DLG2: variants seen among roughly 807,000 people sequenced by gnomAD.
DLG2 encodes disks large homolog 2.
In DLG2, 45 loss-of-function variants were observed where a neutral mutation model predicts 132.5. The observed-to-expected ratio is 0.34, with a 90% CI of 0.27 to 0.44. DLG2 has a LOEUF of 0.44. DLG2 is among the 20% of genes least tolerant of loss of function. DLG2 has a pLI of 1.00. For synonymous variants in DLG2, 424 were observed against 419.6 expected (o/e 1.01, Z -0.13); for missense variants, 1,045 against 1,196.9 (o/e 0.87, Z 1.87).
chr11:83,567,914 G>A (rs11233678), intron 19 of DLG2, among the ~76,000 whole-genome samples: 2,684 of 152,278 alleles, frequency 0.018, 71 homozygotes, highest in South Asian at 0.11. Context: ...AGCAGTAAAA[G>A]CTAGATTAGA....
chr11:84,987,409 GAA>G (rs983483064), intron 6 of DLG2, among the ~76,000 whole-genome samples: 1 of 150,910 alleles, frequency 6.6e-6, no homozygotes, highest in African/African-American at 2.4e-5. Context: ...CACAGAATTA[GAA>G]AAAAAAATTT....
chr11:85,605,902 C>T (rs536567725), intron 2 of DLG2, among the ~76,000 whole-genome samples: 5 of 152,046 alleles, frequency 3.3e-5, no homozygotes, highest in African/African-American at 9.6e-5. Context: ...CACTTGAACC[C>T]GGGAGGCGGA....
chr11:84,543,236 T>C (rs1333674495), intron 6 of DLG2, among the ~76,000 whole-genome samples: 2 of 152,220 alleles, frequency 1.3e-5, no homozygotes, highest in East Asian at 1.9e-4. Context: ...TGGTTACATA[T>C]AGGTTGCAAA....
intron 15 of DLG2, among the ~76,000 whole-genome samples, chr11:83,881,348 T>C (rs1370430080): frequency 6.6e-6 from 1 of 152,196 alleles, no homozygotes; most frequent in Non-Finnish European, 1.5e-5. Flanking sequence ...TGGGACCCAA[T>C]ATAGTTACCA....
At chr11:84,105,745 C>T (rs548029001) in intron 9 of DLG2, among the ~76,000 whole-genome samples, 4 of 152,132 alleles carry the variant, frequency 2.6e-5, no homozygotes, top group African/African-American at 9.6e-5. Context: ...TTTTAATACC[C>T]ATGTTCTATT....
At chr11:83,480,806 G>A (rs554233756) in intron 22 of DLG2, among the ~76,000 whole-genome samples, 1 of 152,148 alleles carries the variant, frequency 6.6e-6, no homozygotes, top group Non-Finnish European at 1.5e-5. Flanking sequence ...CTGGTGTGTA[G>A]GCAGTGTTTT....
chr11:85,512,481 T>C (rs1478553879), intron 3 of DLG2, among the ~76,000 whole-genome samples: 1 of 152,126 alleles, frequency 6.6e-6, no homozygotes, highest in South Asian at 2.1e-4. Flanking sequence ...AATATTATAT[T>C]GTGACCTTTC....
intron 9 of DLG2, among the ~76,000 whole-genome samples, chr11:84,129,397 C>T (rs943093937): frequency 6.6e-6 from 1 of 152,068 alleles, no homozygotes; most frequent in Non-Finnish European, 1.5e-5. Flanking sequence ...GTCAATTATA[C>T]AGTCTCATTA....
intron 6 of DLG2, among the ~76,000 whole-genome samples, chr11:84,567,513 A>T (rs541536115): frequency 6.6e-6 from 1 of 152,320 alleles, no homozygotes; most frequent in East Asian, 1.9e-4. Flanking sequence ...ATCCTCTTTA[A>T]TACCTTTTCC....
intron 3 of DLG2, chr11:85,336,495 G>T: frequency 6.4e-6 from 1 of 156,784 alleles, no homozygotes; most frequent in Non-Finnish European, 1.4e-5. Flanking sequence ...GGTAGCAGCA[G>T]CTGAGGAGGT....
intron 6 of DLG2, among the ~76,000 whole-genome samples, chr11:84,781,824 C>T (rs2071834031): frequency 6.6e-6 from 1 of 152,222 alleles, no homozygotes; most frequent in African/African-American, 2.4e-5. Flanking sequence ...TGCTGAACAA[C>T]TTTTAGTAGT....
chr11:83,925,855 C>G (rs2078878066), intron 15 of DLG2, among the ~76,000 whole-genome samples: 1 of 152,072 alleles, frequency 6.6e-6, no homozygotes, highest in African/African-American at 2.4e-5. Context: ...AGCTGAAAAA[C>G]TTACTCTCCC....
At chr11:84,972,101 C>G (rs993737989) in intron 6 of DLG2, among the ~76,000 whole-genome samples, 6 of 152,080 alleles carry the variant, frequency 3.9e-5, no homozygotes, top group East Asian at 1.9e-4. Flanking sequence ...CACACACACA[C>G]TGTTTTAAAT....
intron 7 of DLG2, among the ~76,000 whole-genome samples, chr11:84,331,892 G>A (rs1173896831): frequency 6.6e-6 from 1 of 152,136 alleles, no homozygotes. Flanking sequence ...TGAAAAATTG[G>A]TGTTGGGTCC....
chr11:83,598,424 T>C (rs1405395770), intron 19 of DLG2, among the ~76,000 whole-genome samples: 1 of 152,214 alleles, frequency 6.6e-6, no homozygotes, highest in African/African-American at 2.4e-5. Context: ...TGGCTGCTTA[T>C]TGGAAAAGTT....
intron 8 of DLG2, among the ~76,000 whole-genome samples, chr11:84,195,423 C>G (rs1334971979): frequency 6.6e-6 from 1 of 152,190 alleles, no homozygotes; most frequent in Non-Finnish European, 1.5e-5. Flanking sequence ...CTCAGCCTCC[C>G]AAAGTGGTGG....
rs2089621392 is a variant in DLG2, at chr11:83,724,666, C to G, written c.1825+62024G>C. Among the ~76,000 whole-genome samples, 3 of 152,064 alleles carry G rather than the reference C, an allele frequency of 2.0e-5. No homozygotes were observed. The South Asian group carries it at 6.2e-4, about 32-fold the overall frequency. On this transcript the variant is annotated intron_variant, in intron 18 of 27. Transcript: ENST00000376104. The stretch of plus-strand genomic sequence containing the variant: ...TGTTGTTCTCACAGAACACAGATAG[C>G]AACAGACATGAAAACAGAGCCACTG...
chr11:85,218,827 C>T (rs1358354868), intron 4 of DLG2, among the ~76,000 whole-genome samples: 1 of 152,048 alleles, frequency 6.6e-6, no homozygotes, highest in East Asian at 1.9e-4. Context: ...GGTGCCCATC[C>T]ATGGGAGATT....
At chr11:83,826,242 C>T (rs949224768) in intron 17 of DLG2, among the ~76,000 whole-genome samples, 1 of 152,180 alleles carries the variant, frequency 6.6e-6, no homozygotes. Context: ...CATAGTCAGG[C>T]CCTGCTGAAT....
Sources: allele counts gnomAD v4.1 joint callset (sites outside exome capture counted in the v4.1 genomes callset), GRCh38; gene constraint gnomAD v4.1.1; transcripts MANE v1.5; gene names NCBI Gene and HGNC (gene_info 2026-07-23, HGNC 2026-07-21).